KANSL1: variants seen among roughly 807,000 people sequenced by gnomAD.
KANSL1 encodes KAT8 regulatory NSL complex subunit 1, also known as MLL1/MLL complex subunit KANSL1.
In KANSL1, 22 loss-of-function variants were observed where a neutral mutation model predicts 103.6. The ratio of observed to expected loss-of-function variants is 0.21; its 90% CI spans 0.15 to 0.30. KANSL1 has a LOEUF of 0.30. Ranked by LOEUF, KANSL1 falls within the 10% of genes least tolerant of loss-of-function variation. KANSL1 has a pLI of 1.00. For synonymous variants in KANSL1, 600 were observed against 527.6 expected (o/e 1.14, Z -1.88); for missense variants, 1,337 against 1,399.8 (o/e 0.96, Z 0.72).
At chr17:46,139,631 G>A (rs188500425) in intron 2 of KANSL1, among the ~76,000 whole-genome samples, 47 of 152,224 alleles carry the variant, frequency 3.1e-4, no homozygotes, top group Admixed American at 1.3e-3. Context: ...TTGTGACCTC[G>A]GGAAGTCAAT....
intron 1 of KANSL1, among the ~76,000 whole-genome samples, chr17:46,211,453 C>A (rs1348021392): frequency 6.6e-6 from 1 of 152,204 alleles, no homozygotes. Context: ...TTGTGTTGGG[C>A]CACATTCAAA....
chr17:46,076,983 C>T (rs2078798481), intron 4 of KANSL1, among the ~76,000 whole-genome samples: 1 of 152,150 alleles, frequency 6.6e-6, no homozygotes, highest in Non-Finnish European at 1.5e-5. Context: ...CAGTTTTGCC[C>T]TACCTTTTCC....
At chr17:46,053,853 T>C (rs2077816990) in intron 6 of KANSL1, among the ~76,000 whole-genome samples, 1 of 152,118 alleles carries the variant, frequency 6.6e-6, no homozygotes, top group Non-Finnish European at 1.5e-5. Context: ...CAAACTTAAG[T>C]GTACACACGC....
At position 46,031,905 on chromosome 17, in the gene KANSL1, C is replaced by T. The variant is rs1426950670; in HGVS notation, c.3090+142G>A. 13 of 1,224,150 alleles carry T rather than the reference C, an allele frequency of 1.1e-5. No individual in the cohort carries two copies. In the African/African-American group the frequency reaches 1.2e-4, roughly 11 times the overall value. The allele number at this position is 1,224,150 out of a possible 1,614,324, so 75.8% of individuals were successfully genotyped here. ...CAGTGATCAATACAGTTCCACTGAA[C>T]GTTGAGGAGATCAATTTAAGTGCAG... is the stretch of plus-strand genomic sequence containing the variant. On this transcript the variant is annotated intron_variant, in intron 14 of 14. Coordinates refer to ENST00000432791, the MANE Select transcript of KANSL1 (RefSeq NM_015443.4).
chr17:46,143,878 T>C (rs955737741), intron 2 of KANSL1, among the ~76,000 whole-genome samples: 2 of 150,758 alleles, frequency 1.3e-5, no homozygotes, highest in Non-Finnish European at 2.9e-5. Flanking sequence ...GAGGTCCAGA[T>C]TGGTTGAGTG....
chr17:46,077,674 C>T (rs1346000649), intron 4 of KANSL1, among the ~76,000 whole-genome samples: 1 of 152,182 alleles, frequency 6.6e-6, no homozygotes, highest in Non-Finnish European at 1.5e-5. Flanking sequence ...TCTCCTGCTT[C>T]AGCCTCCCGA....
intron 1 of KANSL1, among the ~76,000 whole-genome samples, chr17:46,184,509 A>C (rs2046928138): frequency 6.6e-6 from 1 of 152,274 alleles, no homozygotes; most frequent in African/African-American, 2.4e-5. Flanking sequence ...TCTTTCACTG[A>C]CTCTAGAGTA....
intron 1 of KANSL1, among the ~76,000 whole-genome samples, chr17:46,216,251 A>G (rs1480240648): frequency 1.3e-5 from 2 of 152,212 alleles, no homozygotes; most frequent in Admixed American, 6.5e-5. Context: ...GGTGAGAGGA[A>G]GAAGGGTCAA....
chr17:46,215,678 A>G (rs2048317726), intron 1 of KANSL1, among the ~76,000 whole-genome samples: 1 of 152,232 alleles, frequency 6.6e-6, no homozygotes, highest in Non-Finnish European at 1.5e-5. Context: ...GCTGGGTGAC[A>G]CTACCGCTCA....
chr17:46,123,341 C>A (rs2043369767), intron 2 of KANSL1, among the ~76,000 whole-genome samples: 1 of 152,192 alleles, frequency 6.6e-6, no homozygotes, highest in African/African-American at 2.4e-5. Flanking sequence ...CGTGCCACCA[C>A]ACTCCAGCCT....
At chr17:46,056,132 G>T (rs1287677027) in intron 6 of KANSL1, among the ~76,000 whole-genome samples, 1 of 152,062 alleles carries the variant, frequency 6.6e-6, no homozygotes, top group Non-Finnish European at 1.5e-5. Flanking sequence ...CAAGTAGGTG[G>T]GATTACAGGC....
chr17:46,091,745 C>G (rs2146918788), intron 3 of KANSL1, among the ~76,000 whole-genome samples: 1 of 151,684 alleles, frequency 6.6e-6, no homozygotes, highest in Non-Finnish European at 1.5e-5. Context: ...GGCTATATAC[C>G]ATATTGTCTA....
At chr17:46,039,359 A>G in intron 8 of KANSL1, 144 bp from the exon 9 acceptor site, 1 of 725,784 alleles carries the variant, frequency 1.4e-6, no homozygotes, top group Non-Finnish European at 2.1e-6. Flanking sequence ...AGTTTCTAGT[A>G]ATTTGCACAA....
chr17:46,121,360 T>C (rs2043272175), intron 2 of KANSL1: 1 of 152,424 alleles, frequency 6.6e-6, no homozygotes, highest in Non-Finnish European at 1.5e-5. Context: ...TCACCTCCTG[T>C]GTCCTCTTCA....
rs1209619553 is a variant in KANSL1, at chr17:46,066,622, C to G, written c.1763G>C (p.Cys588Ser). Residue 588 changes from cysteine (C) to serine (S), a missense_variant, in exon 6 of 15, where the codon TGT becomes TCT. Around this residue, in one of 2 missense-constraint regions of KANSL1, gnomAD observed 780 missense variants for 923.4 expected, o/e 0.84. Transcript: ENST00000432791. ...TACAGGACGTGTCCGGGCTGCCACA[C>G]AGGTGCCATCAGATGATGAAGAGAC... ...NLVSSSSDGT[C>S]VAARTRPVLS... The G allele has an allele frequency of 6.2e-7, 1 of 1,614,192 alleles. No homozygotes were observed. The highest frequency in any genetic ancestry group is 2.2e-5 in the East Asian group (1 of 44,872).
chr17:46,188,392 T>C (rs1434577323), intron 1 of KANSL1, among the ~76,000 whole-genome samples: 2 of 152,384 alleles, frequency 1.3e-5, no homozygotes, highest in South Asian at 4.1e-4. Flanking sequence ...CCCAGAGGTA[T>C]ATACGCAACT....
intron 7 of KANSL1, 137 bp from the exon 8 acceptor site, chr17:46,040,021 G>T: frequency 2.8e-6 from 2 of 711,678 alleles, no homozygotes; most frequent in Middle Eastern, 2.6e-4. Flanking sequence ...TGGAAGATCT[G>T]TTTACGTGAA....
At chr17:46,118,519 T>A (rs1049848434) in intron 2 of KANSL1, among the ~76,000 whole-genome samples, 1 of 152,196 alleles carries the variant, frequency 6.6e-6, no homozygotes, top group Non-Finnish European at 1.5e-5. Flanking sequence ...CGCTGATTGG[T>A]GGGCCCCACC....
chr17:46,137,384 A>G (rs1259926130), intron 2 of KANSL1, among the ~76,000 whole-genome samples: 2 of 152,240 alleles, frequency 1.3e-5, no homozygotes, highest in Non-Finnish European at 2.9e-5. Flanking sequence ...TTTCTGCCCC[A>G]TATTTATCAC....
Sources: gnomAD v4.1 joint callset for allele counts (sites outside exome capture counted in the v4.1 genomes callset) on GRCh38, gnomAD v4.1.1 for gene constraint, gnomAD v4.1.1 regional missense constraint, MANE v1.5 for transcripts, NCBI Gene and HGNC (gene_info 2026-07-23, HGNC 2026-07-21) for gene names.